SNAP29: variants seen among roughly 807,000 people sequenced by gnomAD.
SNAP29 encodes synaptosomal-associated protein 29.
In SNAP29, 13 loss-of-function variants were observed where a neutral mutation model predicts 27.9. That is an observed-to-expected ratio of 0.47 (90% CI 0.30 to 0.74). The LOEUF (loss-of-function observed/expected upper bound fraction) is 0.74, where lower values mean the gene tolerates loss of function less well. Among genes scored for constraint, SNAP29 ranks in the 30% least tolerant of loss-of-function variants. The pLI, the probability that SNAP29 is intolerant of heterozygous loss-of-function variation, is 0.06. For missense variants in SNAP29, 368 were observed against 336.5 expected, an observed-to-expected ratio of 1.09 and a Z score of -0.73; for synonymous variants, 119 against 127.1, an observed-to-expected ratio of 0.94 and a Z score of 0.43.
At position 20,889,557 on chromosome 22, in the gene SNAP29, A is replaced by G. The variant is rs1347113058; in HGVS notation, c.*1721A>G. 2.0e-5 allele frequency: 3 copies of G among 152,356 alleles called. No individual in the cohort carries two copies. The highest frequency in any genetic ancestry group is 1.3e-4 in the Admixed American group (2 of 15,294). The allele number at this position is 152,356 out of a possible 1,614,324, so 9.4% of individuals were successfully genotyped here. Reference sequence around the variant, plus strand: ...AACTGGTAGAAGGGAAATTTTAAACATAACACTCAACCCAAACAAAACTAC... The same window carrying G: ...AACTGGTAGAAGGGAAATTTTAAACGTAACACTCAACCCAAACAAAACTAC... On this transcript the variant is annotated 3_prime_UTR_variant, in exon 5 of 5. Transcript: ENST00000215730.
chr22:20,879,505 C>T (rs1267970246), intron 2 of SNAP29, among the ~76,000 whole-genome samples: 1 of 151,936 alleles, frequency 6.6e-6, no homozygotes, highest in African/African-American at 2.4e-5. Flanking sequence ...CGCCACTGCA[C>T]TCCAGCCTGG....
chr22:20,885,366 G>A (rs1290893801), intron 4 of SNAP29, among the ~76,000 whole-genome samples: 1 of 152,138 alleles, frequency 6.6e-6, no homozygotes, highest in African/African-American at 2.4e-5. Flanking sequence ...TGGAGTGTCT[G>A]TGCACGGGTT....
intron 1 of SNAP29, among the ~76,000 whole-genome samples, chr22:20,860,573 G>C (rs979748064): frequency 2.0e-5 from 3 of 151,704 alleles, no homozygotes; most frequent in African/African-American, 7.3e-5. Flanking sequence ...GTTTTGCCCC[G>C]TTGGCCAGGC....
chr22:20,868,163 A>C (rs1928503417), intron 1 of SNAP29, among the ~76,000 whole-genome samples: 1 of 152,242 alleles, frequency 6.6e-6, no homozygotes, highest in Non-Finnish European at 1.5e-5. Context: ...ACTTGAGGTG[A>C]TGGAAGGAGC....
In SNAP29 at chr22:20,888,173, CAG is replaced by C; in HGVS notation, c.*339_*340del. On this transcript the variant is annotated 3_prime_UTR_variant, in exon 5 of 5. Coordinates refer to ENST00000215730, the MANE Select transcript of SNAP29 (RefSeq NM_004782.4). ...TAATGAGCATATGGAAAGATGGGAA[CAG>C]AATTTCAGTCTTGCAGCCATGAGCC... 1 of 355,046 alleles carries C rather than the reference CAG, an allele frequency of 2.8e-6. No individual in the cohort carries two copies. The highest frequency in any genetic ancestry group is 5.4e-6 in the Non-Finnish European group (1 of 184,940). 22.0% of individuals were successfully genotyped at this position (355,046 alleles called of 1,614,324 possible).
In SNAP29 at chr22:20,886,457, C is replaced by T. The variant is rs180881830; in HGVS notation, c.620-1222C>T. ...CGAGTAGCTGGGATTACAAGGTGTGCACCACCATGCCCAGCTAATTTTTGT... is the reference window on the plus strand; with the variant it reads ...CGAGTAGCTGGGATTACAAGGTGTGTACCACCATGCCCAGCTAATTTTTGT... On this transcript the variant is annotated intron_variant, in intron 4 of 4. Transcript: ENST00000215730. 3.7e-4 allele frequency among the ~76,000 whole-genome samples: 54 copies of T among 147,932 alleles called. 1 individual carries two copies. Among genetic ancestry groups the T allele is most frequent in the African/African-American group, 1.3e-3 (53 of 39,930 alleles).
At chr22:20,874,533 C>G (rs1928692738) in intron 2 of SNAP29, among the ~76,000 whole-genome samples, 1 of 150,248 alleles carries the variant, frequency 6.7e-6, no homozygotes, top group Non-Finnish European at 1.5e-5. Flanking sequence ...TATGATTGTA[C>G]CAGTCTACTC....
intron 4 of SNAP29, among the ~76,000 whole-genome samples, chr22:20,884,858 C>T (rs112902045): frequency 1.5e-3 from 224 of 152,274 alleles, no homozygotes; most frequent in East Asian, 5.8e-3. Flanking sequence ...TCACTGCAAC[C>T]GCTGCCTCCT....
At chr22:20,878,484 A>G (rs1301235382) in intron 2 of SNAP29, among the ~76,000 whole-genome samples, 1 of 152,098 alleles carries the variant, frequency 6.6e-6, no homozygotes, top group Non-Finnish European at 1.5e-5. Flanking sequence ...AGGCTGAGGC[A>G]GGAGAATGGC....
At chr22:20,861,604 ATTTTTTTGTTTT>A (rs1928321805) in intron 1 of SNAP29, among the ~76,000 whole-genome samples, 2 of 151,386 alleles carry the variant, frequency 1.3e-5, no homozygotes, top group South Asian at 4.2e-4. Context: ...CACCTGGCTA[ATTTTTTTGTTTT>A]TGTTTTTGTT....
At chr22:20,882,769 G>GA (rs1270299327) in intron 3 of SNAP29, among the ~76,000 whole-genome samples, 3 of 152,150 alleles carry the variant, frequency 2.0e-5, no homozygotes, top group African/African-American at 7.2e-5. Flanking sequence ...AAAGACTGAA[G>GA]AAAAAATCGA....
chr22:20,869,512 A>G (rs1208852913), intron 1 of SNAP29, among the ~76,000 whole-genome samples: 1 of 152,198 alleles, frequency 6.6e-6, no homozygotes, highest in Non-Finnish European at 1.5e-5. Flanking sequence ...TGGATGGGCT[A>G]GAGTCAGACA....
intron 3 of SNAP29, among the ~76,000 whole-genome samples, chr22:20,882,087 T>G (rs1928905127): frequency 6.6e-6 from 1 of 151,478 alleles, no homozygotes; most frequent in South Asian, 2.1e-4. Flanking sequence ...GGTACACGGG[T>G]GAACTGTAGA....
Position 20,887,934 on chromosome 22 carries a change from ATG to A in SNAP29, c.*104_*105del, listed in dbSNP as rs761553472. 7.5e-5 allele frequency: 90 copies of A among 1,206,820 alleles called. No homozygotes were observed. The highest frequency in any genetic ancestry group is 2.1e-4 in the Admixed American group (11 of 52,980). The allele number at this position is 1,206,820 out of a possible 1,614,324, so 74.8% of individuals were successfully genotyped here. A position where few individuals can be genotyped will look rare whatever the true frequency, so the allele number is the denominator to read the frequency against. ...ATTTACTATTTTAGTATGTAAATTA[ATG>A]TGTGTTTGCAAATGTTATAATAGAG... On this transcript the variant is annotated 3_prime_UTR_variant, in exon 5 of 5. Transcript: ENST00000215730.
At chr22:20,884,839 A>C (rs1458006675) in intron 4 of SNAP29, among the ~76,000 whole-genome samples, 3 of 152,144 alleles carry the variant, frequency 2.0e-5, no homozygotes, top group Non-Finnish European at 4.4e-5. Flanking sequence ...GCAATGGTGC[A>C]ATCTCAGCTC....
intron 3 of SNAP29, 31 bp from the exon 4 acceptor site, chr22:20,883,440 C>T: frequency 7.3e-7 from 1 of 1,363,354 alleles, no homozygotes; most frequent in South Asian, 1.2e-5. Flanking sequence ...TGTCAATTAA[C>T]CGCTCTCCTG....
chr22:20,869,835 A>G (rs1397492345), intron 1 of SNAP29, among the ~76,000 whole-genome samples: 1 of 151,738 alleles, frequency 6.6e-6, no homozygotes, highest in East Asian at 1.9e-4. Flanking sequence ...CATTGGCACC[A>G]TCTTGGCTCA....
At chr22:20,885,558 G>A (rs1351742969) in intron 4 of SNAP29, among the ~76,000 whole-genome samples, 1 of 152,224 alleles carries the variant, frequency 6.6e-6, no homozygotes, top group Non-Finnish European at 1.5e-5. Context: ...AAAGGGAGAG[G>A]TTAGGGCTAG....
intron 1 of SNAP29, among the ~76,000 whole-genome samples, chr22:20,861,319 G>A (rs1040569323): frequency 1.3e-4 from 19 of 151,772 alleles, no homozygotes; most frequent in African/African-American, 4.6e-4. Flanking sequence ...TTGCCATGTT[G>A]GCCAGGATGG....
Sources: gnomAD v4.1 joint callset for allele counts (sites outside exome capture counted in the v4.1 genomes callset) on GRCh38, gnomAD v4.1.1 for gene constraint, MANE v1.5 for transcripts, NCBI Gene and HGNC (gene_info 2026-07-23, HGNC 2026-07-21) for gene names.